Variants in CYP2C18 observed in about 807,000 individuals in gnomAD.
The protein encoded by CYP2C18 is cytochrome P450 2C18.
Under a neutral mutation model 41.3 loss-of-function variants are expected in CYP2C18, and 38 were observed. The observed-to-expected ratio is 0.92, with a 90% CI of 0.71 to 1.21. The LOEUF is 1.21. Among genes scored for constraint, CYP2C18 ranks in the 50% most tolerant of loss-of-function variants. The pLI is 0.00. For synonymous variants in CYP2C18, 236 were observed against 210.0 expected (o/e 1.12, Z -1.07); for missense variants, 635 against 591.4 (o/e 1.07, Z -0.77).
intron 5 of CYP2C18, among the ~76,000 whole-genome samples, chr10:94,716,984 T>G (rs1038150820): frequency 1.3e-5 from 2 of 152,162 alleles, no homozygotes; most frequent in African/African-American, 4.8e-5. Context: ...GTCTGTTTTA[T>G]CAGAGACTAG....
intron 7 of CYP2C18, chr10:94,728,683 A>G (rs1847782468): frequency 1.4e-6 from 1 of 717,730 alleles, no homozygotes; most frequent in Non-Finnish European, 1.7e-6. Flanking sequence ...GTCATTTTTA[A>G]TTAGATCAGA....
At chr10:94,699,149 T>C (rs1847182147) in intron 4 of CYP2C18, among the ~76,000 whole-genome samples, 1 of 152,160 alleles carries the variant, frequency 6.6e-6, no homozygotes, top group African/African-American at 2.4e-5. Context: ...ATCATACTGA[T>C]ACCAAAGCCT....
Position 94,695,083 on chromosome 10 carries a change from A to C in CYP2C18, c.642+6A>C, listed in dbSNP as rs771413196. On this transcript the variant is annotated splice_donor_region_variant and intron_variant, in intron 4 of 8. Transcript: ENST00000285979. ...TGAGCTCTCCATGGATCCAGGTGAG[A>C]TCAAGAGCTTCTCTTCCTGAGATAT... The C allele has an allele frequency of 6.3e-7, 1 of 1,593,432 alleles. No homozygotes were observed. Among genetic ancestry groups the C allele is most frequent in the Admixed American group, 1.9e-5 (1 of 53,708 alleles).
At chr10:94,693,162 T>TA (rs904640153) in intron 3 of CYP2C18, among the ~76,000 whole-genome samples, 4 of 151,852 alleles carry the variant, frequency 2.6e-5, no homozygotes, top group African/African-American at 9.7e-5. Flanking sequence ...TTAAAGTATA[T>TA]AAAAAAAAGT....
At chr10:94,689,587 G>A (rs775633771) in intron 3 of CYP2C18, among the ~76,000 whole-genome samples, 50 of 152,040 alleles carry the variant, frequency 3.3e-4, no homozygotes, top group African/African-American at 1.2e-3. Context: ...TTGGTTCTAG[G>A]ACTCCTCTTG....
intron 5 of CYP2C18, among the ~76,000 whole-genome samples, chr10:94,707,867 C>T (rs1024036714): frequency 5.9e-4 from 90 of 152,214 alleles, no homozygotes; most frequent in African/African-American, 2.1e-3. Flanking sequence ...TCTTTGATAA[C>T]TTTAACTGAG....
At chr10:94,685,180 T>C (rs1846863339) in intron 1 of CYP2C18, among the ~76,000 whole-genome samples, 1 of 151,942 alleles carries the variant, frequency 6.6e-6, no homozygotes, top group South Asian at 2.1e-4. Context: ...GCTACAGGTG[T>C]ATGCCACCAT....
chr10:94,718,300 C>T lies in CYP2C18; in HGVS notation c.820-2096C>T, dbSNP rs1847590162. ...AATTTTTGTGTGTTGATTTTGTATC[C>T]TGCAACTTTACTGAATTTAATTATC... On this transcript the variant is annotated intron_variant, in intron 5 of 8. Coordinates refer to ENST00000285979, the MANE Select transcript of CYP2C18 (RefSeq NM_000772.3). 2.0e-5 allele frequency among the ~76,000 whole-genome samples: 3 copies of T among 151,806 alleles called. No homozygotes were observed. The South Asian group carries it at 6.2e-4, about 32-fold the overall frequency.
chr10:94,714,027 GT>G (rs1423355763), intron 5 of CYP2C18, among the ~76,000 whole-genome samples: 2 of 151,620 alleles, frequency 1.3e-5, no homozygotes, highest in East Asian at 1.9e-4. Context: ...TGATGGGGTT[GT>G]TTTTTTTCTT....
At chr10:94,692,370 G>A (rs61886193) in intron 3 of CYP2C18, among the ~76,000 whole-genome samples, 4 of 150,094 alleles carry the variant, frequency 2.7e-5, no homozygotes, top group East Asian at 2.0e-4. Context: ...AAGGATATGA[G>A]CAGACAATTC....
At chr10:94,718,108 T>A (rs767515561) in intron 5 of CYP2C18, among the ~76,000 whole-genome samples, 16 of 152,056 alleles carry the variant, frequency 1.1e-4, no homozygotes, top group Non-Finnish European at 1.6e-4. Context: ...CTTTTTTATT[T>A]GTGTCTTCTT....
chr10:94,727,562 C>T (rs1291744295), intron 7 of CYP2C18, among the ~76,000 whole-genome samples: 4 of 151,446 alleles, frequency 2.6e-5, no homozygotes, highest in Non-Finnish European at 5.9e-5. Flanking sequence ...CTGCTGTGAG[C>T]TATGGTCGTA....
intron 4 of CYP2C18, among the ~76,000 whole-genome samples, chr10:94,700,593 G>A (rs1445260169): frequency 6.6e-6 from 1 of 152,188 alleles, no homozygotes; most frequent in Non-Finnish European, 1.5e-5. Flanking sequence ...AATACCAAAA[G>A]CAATGGCAAC....
rs1358986535 is a variant in CYP2C18 at position 94,691,463 on chromosome 10, C to A, written c.481+3189C>A. ...ATAAAATACCTAGGAATCCAACTTA[C>A]AAGGGATGTGAAGGACCTCTTCAAG... On this transcript the variant is annotated intron_variant, in intron 3 of 8. Transcript: ENST00000285979. 2.0e-5 allele frequency among the ~76,000 whole-genome samples: 3 copies of A among 152,240 alleles called. 1 individual carries two copies. Among genetic ancestry groups the A allele is most frequent in the South Asian group, 4.1e-4 (2 of 4,830 alleles).
intron 5 of CYP2C18, among the ~76,000 whole-genome samples, chr10:94,708,776 C>T (rs948525340): frequency 2.0e-5 from 3 of 152,202 alleles, no homozygotes; most frequent in Non-Finnish European, 4.4e-5. Flanking sequence ...AATATACTGT[C>T]TGTCTCTATA....
At chr10:94,692,048 T>G (rs1847009975) in intron 3 of CYP2C18, among the ~76,000 whole-genome samples, 1 of 152,178 alleles carries the variant, frequency 6.6e-6, no homozygotes, top group East Asian at 1.9e-4. Context: ...GACTTAAATG[T>G]TAGACGTAAA....
intron 5 of CYP2C18, among the ~76,000 whole-genome samples, chr10:94,712,343 C>G (rs1847453616): frequency 6.6e-6 from 1 of 151,918 alleles, no homozygotes; most frequent in South Asian, 2.1e-4. Flanking sequence ...TCATCTCCCC[C>G]TTTCCCCCCG....
intron 4 of CYP2C18, among the ~76,000 whole-genome samples, chr10:94,698,349 A>G (rs964024189): frequency 6.6e-6 from 1 of 152,230 alleles, no homozygotes; most frequent in Non-Finnish European, 1.5e-5. Context: ...CCTCAACTAC[A>G]TGGAAACTGA....
rs929773366 is a variant in CYP2C18, at chr10:94,707,073, G to A, written c.819+113G>A. 80 of 713,030 alleles carry A rather than the reference G, an allele frequency of 1.1e-4. 1 individual carries two copies. The East Asian group carries it at 2.2e-3, about 20-fold the overall frequency. 44.2% of individuals were successfully genotyped at this position (713,030 alleles called of 1,614,324 possible). On this transcript the variant is annotated intron_variant, in intron 5 of 8. Coordinates refer to ENST00000285979, the MANE Select transcript of CYP2C18 (RefSeq NM_000772.3). ...TGAGCACTTTATGTACTTACCATGT[G>A]TATAGATCTGGATGAAGCACCATGG...
Sources: allele counts gnomAD v4.1 joint callset (sites outside exome capture counted in the v4.1 genomes callset), GRCh38; gene constraint gnomAD v4.1.1; transcripts MANE v1.5; gene names NCBI Gene and HGNC (gene_info 2026-07-23, HGNC 2026-07-21).